Variants in ERCC6L2 observed in about 807,000 individuals in gnomAD.
ERCC6L2 encodes the protein ERCC excision repair 6 like 2.
In ERCC6L2, 77 loss-of-function variants were observed where a neutral mutation model predicts 132.0. The ratio of observed to expected loss-of-function variants is 0.58; its 90% CI spans 0.49 to 0.71. The LOEUF is 0.71. ERCC6L2 is among the 30% of genes least tolerant of loss of function. The probability of loss-of-function intolerance (pLI) is 0.00; values close to 1 mark genes in which losing one functional copy is unlikely to be tolerated. For synonymous variants in ERCC6L2, 583 were observed against 632.4 expected, an observed-to-expected ratio of 0.92 and a Z score of 1.17; for missense variants, 1,542 against 1,837.6, an observed-to-expected ratio of 0.84 and a Z score of 2.94.
intron 9 of ERCC6L2, among the ~76,000 whole-genome samples, chr9:95,924,184 G>A (rs1382878087): frequency 6.6e-6 from 1 of 151,820 alleles, no homozygotes; most frequent in Non-Finnish European, 1.5e-5. Context: ...AAAGGAAGTA[G>A]TTCAAAGCAG....
intron 11 of ERCC6L2, among the ~76,000 whole-genome samples, chr9:95,933,992 A>G (rs1181323476): frequency 6.6e-6 from 1 of 152,106 alleles, no homozygotes; most frequent in Admixed American, 6.6e-5. Context: ...AAAGATTATC[A>G]TTTTTCTTCC....
Position 96,014,388 on chromosome 9 carries a change from A to G in ERCC6L2, c.*1185A>G, listed in dbSNP as rs1834133920. ...TTCCGTGTACTCAGGATGTAGAGTC[A>G]TTGCTCAGAAGTGAACAAAAAATCA... On this transcript the variant is annotated 3_prime_UTR_variant, in exon 19 of 19. Transcript: ENST00000653738. The G allele has an allele frequency of 6.6e-6, 1 of 152,232 alleles. No homozygotes were observed. The highest frequency in any genetic ancestry group is 2.1e-4 in the South Asian group (1 of 4,830). 9.4% of individuals were successfully genotyped at this position (152,232 alleles called of 1,614,324 possible). A position where few individuals can be genotyped will look rare whatever the true frequency, so the allele number is the denominator to read the frequency against.
At chr9:95,975,818 A>T (rs1832645695) in intron 16 of ERCC6L2, among the ~76,000 whole-genome samples, 2 of 151,610 alleles carry the variant, frequency 1.3e-5, no homozygotes, top group South Asian at 4.2e-4. Flanking sequence ...CTTAAGGCTT[A>T]TCTGTTGTGT....
chr9:96,018,920 A>G (rs1834238378), downstream of ERCC6L2, among the ~76,000 whole-genome samples: 1 of 152,230 alleles, frequency 6.6e-6, no homozygotes, highest in Non-Finnish European at 1.5e-5. Flanking sequence ...GTAGATAAGA[A>G]TCAAGAATGC....
intron 16 of ERCC6L2, among the ~76,000 whole-genome samples, chr9:95,974,843 G>A (rs935833390): frequency 6.6e-6 from 1 of 151,826 alleles, no homozygotes; most frequent in South Asian, 2.1e-4. Flanking sequence ...AAAATACCTC[G>A]AGGTTATACG....
At chr9:95,878,633 C>G (rs1827419493) in intron 1 of ERCC6L2, among the ~76,000 whole-genome samples, 1 of 151,678 alleles carries the variant, frequency 6.6e-6, no homozygotes, top group African/African-American at 2.4e-5. Flanking sequence ...TTAGGTATAT[C>G]TCCTAAAGCT....
chr9:96,012,924 A>G lies in ERCC6L2; in HGVS notation c.4374A>G (p.Gln1458=). The part of the protein sequence containing the change: ...LFKSHGNSPT[Q]LPKKVLSGPM... ...AAAGTCATGGGAACAGTCCCACACA[A>G]CTGCCAAAGAAAGTTCTTTCAGGGC... The change falls in exon 19 of 19, where the codon CAA becomes CAG. Residue 1458 remains glutamine, a synonymous_variant. Coordinates refer to ENST00000653738, the MANE Select transcript of ERCC6L2 (RefSeq NM_020207.7). 2.9e-6 allele frequency: 4 copies of G among 1,367,538 alleles called. No individual in the cohort carries two copies. The highest frequency in any genetic ancestry group is 2.9e-5 in the African/African-American group (2 of 67,878). The allele number at this position is 1,367,538 out of a possible 1,614,324, so 84.7% of individuals were successfully genotyped here. A position where few individuals can be genotyped will look rare whatever the true frequency, so the allele number is the denominator to read the frequency against.
At chr9:95,910,179 CAGT>C (rs1829276245) in intron 4 of ERCC6L2, among the ~76,000 whole-genome samples, 1 of 152,084 alleles carries the variant, frequency 6.6e-6, no homozygotes, top group Non-Finnish European at 1.5e-5. Context: ...TTGAAATCTT[CAGT>C]TGTAATTGTA....
At chr9:95,880,396 A>T (rs775758984) in intron 1 of ERCC6L2, among the ~76,000 whole-genome samples, 1 of 152,244 alleles carries the variant, frequency 6.6e-6, no homozygotes, top group Non-Finnish European at 1.5e-5. Context: ...AGTCCTATTC[A>T]CGATTACTCT....
At chr9:96,024,908 C>CT (rs933201112) in intron 19 of ERCC6L2, among the ~76,000 whole-genome samples, 7 of 152,198 alleles carry the variant, frequency 4.6e-5, no homozygotes, top group African/African-American at 1.7e-4. Context: ...TCAGCACCAT[C>CT]TTTTTTTATT....
At chr9:96,012,135 T>A (rs1834045776) in intron 18 of ERCC6L2, 90 bp from the exon 19 acceptor site, 5 of 863,914 alleles carry the variant, frequency 5.8e-6, no homozygotes, top group Non-Finnish European at 7.7e-6. Flanking sequence ...TTACCTTCTG[T>A]GGACTCTACA....
At chr9:95,977,903 C>A (rs1415749071) in intron 16 of ERCC6L2, among the ~76,000 whole-genome samples, 158 bp from the exon 17 acceptor site, 1 of 152,044 alleles carries the variant, frequency 6.6e-6, no homozygotes, top group Non-Finnish European at 1.5e-5. Flanking sequence ...GTAACCCAGA[C>A]TAACATATTT....
chr9:95,876,481 G>C (rs1827276573), intron 1 of ERCC6L2: 2 of 175,730 alleles, frequency 1.1e-5, no homozygotes, highest in Admixed American at 6.2e-5. Context: ...GTATGCCCCA[G>C]TTGTTAGTGA....
intron 1 of ERCC6L2, among the ~76,000 whole-genome samples, chr9:95,877,690 C>G (rs1238353095): frequency 6.6e-6 from 1 of 151,758 alleles, no homozygotes; most frequent in Non-Finnish European, 1.5e-5. Context: ...ACCTGTAGTC[C>G]CAGCTACTCA....
chr9:95,898,921 G>A (rs1298600125), intron 3 of ERCC6L2, among the ~76,000 whole-genome samples: 2 of 152,016 alleles, frequency 1.3e-5, no homozygotes, highest in African/African-American at 4.8e-5. Flanking sequence ...TGCATCCTGA[G>A]TATCAGATTC....
At chr9:95,969,793 G>C (rs936341804) in intron 14 of ERCC6L2, among the ~76,000 whole-genome samples, 1 of 152,118 alleles carries the variant, frequency 6.6e-6, no homozygotes, top group Non-Finnish European at 1.5e-5. Context: ...CATTGCCCTG[G>C]ATACCAGGTG....
intron 11 of ERCC6L2, among the ~76,000 whole-genome samples, chr9:95,935,194 C>A (rs1830502397): frequency 6.6e-6 from 1 of 151,980 alleles, no homozygotes; most frequent in Non-Finnish European, 1.5e-5. Context: ...ATCAAAAAAT[C>A]CCATAGAAGG....
rs752260247 is a variant in ERCC6L2 at position 96,004,601 on chromosome 9, C to T, written c.3574C>T (p.Pro1192Ser). The change falls in exon 18 of 19, where the codon CCT (proline) becomes TCT (serine). Residue 1192 changes from proline (P) to serine (S), a missense_variant. Coordinates refer to ENST00000653738, the MANE Select transcript of ERCC6L2 (RefSeq NM_020207.7). ...QQPSEGSISL[P>S]LYISNPVNQK... ...ACCGAGTGAAGGCAGCATTTCACTT[C>T]CTCTTTACATTTCAAATCCTGTAAA... The T allele has an allele frequency of 1.5e-5, 20 of 1,315,950 alleles. No homozygotes were observed. Among genetic ancestry groups the T allele is most frequent in the Non-Finnish European group, 1.9e-5 (19 of 994,232 alleles). The allele number at this position is 1,315,950 out of a possible 1,614,324, so 81.5% of individuals were successfully genotyped here.
intron 11 of ERCC6L2, among the ~76,000 whole-genome samples, chr9:95,940,777 A>C (rs555991788): frequency 6.6e-6 from 1 of 152,094 alleles, no homozygotes. Context: ...TGTCATTTAA[A>C]TCCTGTTGGT....
Sources: gnomAD v4.1 joint callset for allele counts (sites outside exome capture counted in the v4.1 genomes callset) on GRCh38, gnomAD v4.1.1 for gene constraint, MANE v1.5 for transcripts, NCBI Gene and HGNC (gene_info 2026-07-23, HGNC 2026-07-21) for gene names.